MAP4K4: variants seen among roughly 807,000 people sequenced by gnomAD.
The protein encoded by MAP4K4 is HPK/GCK-like kinase HGK.
In MAP4K4, 38 loss-of-function variants were observed where a neutral mutation model predicts 189.6. The observed-to-expected ratio is 0.20, with a 90% CI of 0.15 to 0.26. The LOEUF (loss-of-function observed/expected upper bound fraction) is 0.26. Ranked by LOEUF, MAP4K4 falls within the 10% of genes least tolerant of loss-of-function variation. The pLI is 1.00. For synonymous variants in MAP4K4, 610 were observed against 624.3 expected, an observed-to-expected ratio of 0.98 and a Z score of 0.34; for missense variants, 1,054 against 1,726.9, an observed-to-expected ratio of 0.61 and a Z score of 6.91.
At chr2:101,715,162 A>G (rs2047728758) in intron 2 of MAP4K4, among the ~76,000 whole-genome samples, 1 of 151,976 alleles carries the variant, frequency 6.6e-6, no homozygotes, top group Non-Finnish European at 1.5e-5. Flanking sequence ...CCTTTTTCTA[A>G]TTTGCAAATG....
intron 2 of MAP4K4, among the ~76,000 whole-genome samples, chr2:101,757,914 A>G (rs1385363186): frequency 6.6e-6 from 1 of 152,106 alleles, no homozygotes; most frequent in Non-Finnish European, 1.5e-5. Flanking sequence ...AATCCCAGCT[A>G]CTTGAGAGGC....
intron 2 of MAP4K4, among the ~76,000 whole-genome samples, chr2:101,710,879 C>T (rs904994566): frequency 6.6e-6 from 1 of 152,076 alleles, no homozygotes; most frequent in Non-Finnish European, 1.5e-5. Context: ...GGGTGTGTTC[C>T]ATTGATTATG....
chr2:101,843,749 G>A (rs560590809), intron 11 of MAP4K4, among the ~76,000 whole-genome samples: 20 of 152,226 alleles, frequency 1.3e-4, no homozygotes, highest in Non-Finnish European at 2.4e-4. Flanking sequence ...TGGTCTGATG[G>A]TTCTGTTTGC....
rs148132608 is a variant in MAP4K4, at chr2:101,873,176, G to C, written c.2953-471G>C. Among the ~76,000 whole-genome samples, 62 of 152,316 alleles carry C rather than the reference G, an allele frequency of 4.1e-4. 1 individual carries two copies. In the East Asian group the frequency reaches 0.01, roughly 25 times the overall value. ...AACAACAGTAGCCAAAGCTTCTGTA[G>C]CTTTCTGGCAAGAGGCTCAATTTAA... On this transcript the variant is annotated intron_variant, in intron 24 of 32. Coordinates refer to ENST00000324219, the Ensembl canonical transcript of MAP4K4.
chr2:101,855,993 G>A (rs1416085466), exon 13 of MAP4K4: 3 of 1,549,376 alleles, frequency 1.9e-6, no homozygotes, highest in African/African-American at 1.4e-5. Flanking sequence ...AGGAGAGAGC[G>A]GGAAGCTAGA....
intron 2 of MAP4K4, among the ~76,000 whole-genome samples, chr2:101,761,853 C>T (rs553023813): frequency 5.3e-5 from 8 of 152,116 alleles, no homozygotes; most frequent in East Asian, 1.9e-4. Context: ...CACCACACCC[C>T]GCTGAGTATG....
chr2:101,702,806 A>G (rs1016140222), intron 2 of MAP4K4, among the ~76,000 whole-genome samples: 5 of 152,184 alleles, frequency 3.3e-5, no homozygotes, highest in African/African-American at 1.2e-4. Context: ...GAGATTGAGG[A>G]CAAGGGTACC....
intron 2 of MAP4K4, among the ~76,000 whole-genome samples, chr2:101,717,335 A>G (rs2048956523): frequency 6.6e-6 from 1 of 152,244 alleles, no homozygotes; most frequent in African/African-American, 2.4e-5. Flanking sequence ...AATGAAGGCG[A>G]AAAGAGATAT....
chr2:101,733,595 C>G (rs2059329900), intron 2 of MAP4K4, among the ~76,000 whole-genome samples: 2 of 152,328 alleles, frequency 1.3e-5, no homozygotes, highest in South Asian at 4.1e-4. Context: ...TGTCAGCTCC[C>G]TGAGGCTCTC....
chr2:101,857,327 G>C (rs2097504135), intron 13 of MAP4K4, among the ~76,000 whole-genome samples: 1 of 152,120 alleles, frequency 6.6e-6, no homozygotes, highest in Admixed American at 6.5e-5. Context: ...CAGTGCTGTA[G>C]GACGCATTTC....
At chr2:101,823,999 A>G in exon 4 of MAP4K4, 1 of 1,610,760 alleles carries the variant, frequency 6.2e-7, no homozygotes, top group Non-Finnish European at 8.5e-7. Flanking sequence ...ACATTGCAAC[A>G]TATTATGGTG....
chr2:101,835,702 G>T (rs575334432), intron 8 of MAP4K4, among the ~76,000 whole-genome samples, 198 bp from the exon 9 acceptor site: 1 of 152,142 alleles, frequency 6.6e-6, no homozygotes, highest in East Asian at 1.9e-4. Flanking sequence ...TGTTGCTCTT[G>T]TCCTCCCACT....
chr2:101,836,944 T>G (rs1182061042), intron 9 of MAP4K4, among the ~76,000 whole-genome samples: 1 of 151,978 alleles, frequency 6.6e-6, no homozygotes, highest in African/African-American at 2.4e-5. Context: ...CTGGTTCTCC[T>G]GAGAATTTTG....
chr2:101,809,443 C>T (rs1213147339), intron 3 of MAP4K4, among the ~76,000 whole-genome samples: 1 of 151,992 alleles, frequency 6.6e-6, no homozygotes, highest in East Asian at 1.9e-4. Flanking sequence ...TATATTTTCC[C>T]TGATAGATGC....
chr2:101,847,320 ACTC>A (rs1353321140), intron 12 of MAP4K4, among the ~76,000 whole-genome samples: 9 of 152,238 alleles, frequency 5.9e-5, no homozygotes, highest in Non-Finnish European at 1.0e-4. Flanking sequence ...TTTAGAGTGT[ACTC>A]CTTCTACATA....
intron 2 of MAP4K4, among the ~76,000 whole-genome samples, chr2:101,772,741 G>A (rs181537165): frequency 6.6e-6 from 1 of 152,308 alleles, no homozygotes; most frequent in Non-Finnish European, 1.5e-5. Flanking sequence ...AATTGCTTAG[G>A]TGTTATGGTA....
intron 32 of MAP4K4, 23 bp from the exon 33 acceptor site, chr2:101,891,143 C>T (rs535901995): frequency 6.3e-7 from 1 of 1,598,344 alleles, no homozygotes; most frequent in East Asian, 2.2e-5. Flanking sequence ...GTAACCATTC[C>T]CTCTCTTTTC....
intron 3 of MAP4K4, among the ~76,000 whole-genome samples, chr2:101,811,370 C>CAAAAAAAAAAAAAAAAAAAA (rs71378177): frequency 2.9e-5 from 2 of 68,902 alleles, no homozygotes; most frequent in African/African-American, 1.1e-4. Context: ...GACTGCGTCT[C>CAAAAAAAAAAAAAAAAAAAA]AAAAAAAAAA....
intron 12 of MAP4K4, among the ~76,000 whole-genome samples, chr2:101,853,718 A>C (rs1286283984): frequency 6.6e-6 from 1 of 152,138 alleles, no homozygotes; most frequent in Non-Finnish European, 1.5e-5. Flanking sequence ...GTGTATGTGC[A>C]CATACATACA....
Sources: allele counts gnomAD v4.1 joint callset (sites outside exome capture counted in the v4.1 genomes callset), GRCh38; gene constraint gnomAD v4.1.1; transcripts MANE v1.5; gene names NCBI Gene and HGNC (gene_info 2026-07-23, HGNC 2026-07-21).